Variants in MANSC1 observed in about 807,000 individuals in gnomAD.
The protein encoded by MANSC1 is MANSC domain containing 1.
Under a neutral mutation model 14.1 loss-of-function variants are expected in MANSC1, and 13 were observed. That is an observed-to-expected ratio of 0.92 (90% CI 0.60 to 1.46). The LOEUF (loss-of-function observed/expected upper bound fraction) is 1.46, where lower values mean the gene tolerates loss of function less well. MANSC1 is among the 40% of genes most tolerant of loss of function. The pLI is 0.00. For missense variants in MANSC1, 486 were observed against 511.4 expected, an observed-to-expected ratio of 0.95 and a Z score of 0.48; for synonymous variants, 227 against 200.7, an observed-to-expected ratio of 1.13 and a Z score of -1.11.
At chr12:12,337,515 C>T (rs182594128) in intron 3 of MANSC1, among the ~76,000 whole-genome samples, 1 of 152,182 alleles carries the variant, frequency 6.6e-6, no homozygotes, top group East Asian at 1.9e-4. Flanking sequence ...GAGCCGAGAT[C>T]GCACCACTGC....
chr12:12,344,442 A>G (rs1862977348), intron 1 of MANSC1, among the ~76,000 whole-genome samples: 1 of 151,984 alleles, frequency 6.6e-6, no homozygotes, highest in Non-Finnish European at 1.5e-5. Flanking sequence ...AAAATGCGAA[A>G]AAGAGAGACT....
chr12:12,335,572 G>C (rs1040481791), intron 3 of MANSC1, among the ~76,000 whole-genome samples: 4 of 150,700 alleles, frequency 2.7e-5, no homozygotes, highest in Non-Finnish European at 5.9e-5. Flanking sequence ...AATTCCTGAC[G>C]TTGTGATCTG....
intron 3 of MANSC1, among the ~76,000 whole-genome samples, chr12:12,334,630 C>T (rs890673066): frequency 6.6e-6 from 1 of 152,226 alleles, no homozygotes; most frequent in Non-Finnish European, 1.5e-5. Context: ...ATTACCTTCA[C>T]ACTCGCCCTA....
intron 1 of MANSC1, among the ~76,000 whole-genome samples, chr12:12,349,346 C>T (rs913346825): frequency 2.0e-5 from 3 of 152,182 alleles, no homozygotes; most frequent in Admixed American, 2.0e-4. Flanking sequence ...AGCCTCTTTT[C>T]AAGCTTTTGC....
intron 3 of MANSC1, among the ~76,000 whole-genome samples, chr12:12,333,584 C>T (rs1486384707): frequency 1.3e-5 from 2 of 152,210 alleles, no homozygotes; most frequent in African/African-American, 2.4e-5. Flanking sequence ...CTGCTCCATT[C>T]GCCTCACCCA....
intron 3 of MANSC1, among the ~76,000 whole-genome samples, chr12:12,332,399 T>C (rs1862801715): frequency 6.6e-6 from 1 of 152,224 alleles, no homozygotes; most frequent in Non-Finnish European, 1.5e-5. Flanking sequence ...CTTTGCACTG[T>C]CACTCTGTCA....
rs1862713179 is a variant in MANSC1, at chr12:12,326,833, T to TA, written c.*3193dup. ...TTTATTTTATTTTATTTTTTTGAGA[T>TA]AGAGTCTTGCTCTGTCGCCTAGGCT... On this transcript the variant is annotated 3_prime_UTR_variant, in exon 4 of 4. Transcript: ENST00000535902. 6.6e-6 allele frequency: 1 copy of TA among 151,920 alleles called. No individual in the cohort carries two copies. Among genetic ancestry groups the TA allele is most frequent in the East Asian group, 1.9e-4 (1 of 5,156 alleles). 9.4% of individuals were successfully genotyped at this position (151,920 alleles called of 1,614,324 possible).
chr12:12,339,493 C>G (rs2135993830), intron 2 of MANSC1, among the ~76,000 whole-genome samples: 1 of 152,232 alleles, frequency 6.6e-6, no homozygotes, highest in African/African-American at 2.4e-5. Flanking sequence ...GTCTTGAACT[C>G]CTGGGCTCAA....
chr12:12,342,576 GTTTTTTT>G (rs1862948810), intron 2 of MANSC1, among the ~76,000 whole-genome samples: 35 of 103,976 alleles, frequency 3.4e-4, no homozygotes, highest in African/African-American at 1.2e-3. Flanking sequence ...AGTAGTCAGT[GTTTTTTT>G]GTTTTTTTTT....
Position 12,343,346 on chromosome 12 carries a change from G to T in MANSC1, c.-32C>A. The T allele has an allele frequency of 6.6e-7, 1 of 1,515,908 alleles. No individual in the cohort carries two copies. Among genetic ancestry groups the T allele is most frequent in the South Asian group, 1.1e-5 (1 of 88,752 alleles). The allele number at this position is 1,515,908 out of a possible 1,614,324, so 93.9% of individuals were successfully genotyped here. On this transcript the variant is annotated 5_prime_UTR_variant, in exon 2 of 4. Coordinates refer to ENST00000535902, the MANE Select transcript of MANSC1 (RefSeq NM_018050.4). ...TTTCAGTTTAGTTTTGGTCTTCAAA[G>T]GTCAAGGATAATCCTCCCTCTGGTC...
At chr12:12,344,791 T>C (rs1353097362) in intron 1 of MANSC1, among the ~76,000 whole-genome samples, 1 of 149,938 alleles carries the variant, frequency 6.7e-6, no homozygotes, top group Non-Finnish European at 1.5e-5. Flanking sequence ...TCTCTTGAGC[T>C]GGATGCTTCC....
chr12:12,346,443 A>C (rs1476665022), intron 1 of MANSC1, among the ~76,000 whole-genome samples: 1 of 152,230 alleles, frequency 6.6e-6, no homozygotes, highest in African/African-American at 2.4e-5. Context: ...TGGAAGACTG[A>C]TACTACCTGA....
At chr12:12,332,828 A>G (rs941116786) in intron 3 of MANSC1, among the ~76,000 whole-genome samples, 3 of 151,670 alleles carry the variant, frequency 2.0e-5, no homozygotes, top group Non-Finnish European at 4.4e-5. Context: ...GCCAGTTTTT[A>G]TATTTCTTTT....
At position 12,330,824 on chromosome 12, in the gene MANSC1, A is replaced by G. The variant is rs372252966; in HGVS notation, c.499T>C (p.Ser167Pro). 1.9e-6 allele frequency: 3 copies of G among 1,614,056 alleles called. No individual in the cohort carries two copies. In the East Asian group the frequency reaches 6.7e-5, roughly 36 times the overall value. ...TTCTGAGAAAGTGTGTCTCTCCATG[A>G]GATATCGGTGGGCTTTGAATAATCT... ...HTDYSKPTDISWRDTLSQKFG... is the reference protein window; with the variant it reads ...HTDYSKPTDIPWRDTLSQKFG... The change falls in exon 4 of 4, where the codon TCA becomes CCA. Residue 167 changes from serine to proline, a missense_variant. Transcript: ENST00000535902.
At chr12:12,338,687 G>C (rs1384623607) in intron 2 of MANSC1, 127 bp from the exon 3 acceptor site, 2 of 825,138 alleles carry the variant, frequency 2.4e-6, no homozygotes, top group Non-Finnish European at 3.9e-6. Context: ...TCACTTGCTT[G>C]CTGACCGCTG....
In MANSC1 at chr12:12,330,192, G is replaced by A. The variant is rs761963025; in HGVS notation, c.1131C>T (p.Tyr377=). ...SSQGSVPENQ[Y]GLPFEKWLLI... is the part of the protein sequence containing the mutation. ...GAAGCCATTTTTCAAATGGAAGGCC[G>A]TACTGATTTTCTGGAACACTGCCCT... Residue 377 remains tyrosine (Y), a synonymous_variant, in exon 4 of 4, where the codon TAC becomes TAT. Coordinates refer to ENST00000535902, the MANE Select transcript of MANSC1 (RefSeq NM_018050.4). 36 of 1,614,060 alleles carry A rather than the reference G, an allele frequency of 2.2e-5. No individual in the cohort carries two copies. Among genetic ancestry groups the A allele is most frequent in the Admixed American group, 1.2e-4 (7 of 59,998 alleles).
At position 12,330,536 on chromosome 12, in the gene MANSC1, G is replaced by C. The variant is rs1383592712; in HGVS notation, c.787C>G (p.Gln263Glu). Reference protein sequence around the residue: ...SVTPSGTSQPQLATTAPPVTT... With the variant: ...SVTPSGTSQPELATTAPPVTT... ...ACAGGTGGAGCTGTGGTGGCCAGCT[G>C]TGGCTGGGAAGTCCCAGAAGGTGTC... Residue 263 changes from glutamine to glutamate, a missense_variant, in exon 4 of 4, where the codon CAG (glutamine) becomes GAG (glutamate). Gln to Glu is a conservative substitution (Grantham distance 29). Coordinates refer to ENST00000535902, the MANE Select transcript of MANSC1 (RefSeq NM_018050.4). The C allele has an allele frequency of 6.2e-7, 1 of 1,614,094 alleles. No individual in the cohort carries two copies. The highest frequency in any genetic ancestry group is 1.3e-5 in the African/African-American group (1 of 74,940).
chr12:12,340,367 T>C (rs537927656), intron 2 of MANSC1, among the ~76,000 whole-genome samples: 14 of 152,098 alleles, frequency 9.2e-5, no homozygotes, highest in Non-Finnish European at 1.9e-4. Flanking sequence ...GGAAGGAAGA[T>C]TTAGTTAGCC....
At chr12:12,345,821 A>G (rs944088940) in intron 1 of MANSC1, among the ~76,000 whole-genome samples, 1 of 152,256 alleles carries the variant, frequency 6.6e-6, no homozygotes, top group Non-Finnish European at 1.5e-5. Context: ...AAAATGGAAT[A>G]TGTAGGATTC....
Sources: gnomAD v4.1 joint callset for allele counts (sites outside exome capture counted in the v4.1 genomes callset) on GRCh38, gnomAD v4.1.1 for gene constraint, MANE v1.5 for transcripts, NCBI Gene and HGNC (gene_info 2026-07-23, HGNC 2026-07-21) for gene names.